The following FAM120B variants were observed in gnomAD, a reference collection of about 807,000 sequenced individuals.
FAM120B encodes the protein constitutive coactivator of peroxisome proliferator-activated receptor gamma.
A neutral mutation model predicts 96.3 loss-of-function variants in FAM120B; 83 were observed. That is an observed-to-expected ratio of 0.86 (90% confidence interval 0.72 to 1.03). The LOEUF (loss-of-function observed/expected upper bound fraction) is 1.03, where lower values mean the gene tolerates loss of function less well. Ranked by LOEUF, FAM120B falls within the 50% of genes least tolerant of loss-of-function variation. The pLI is 0.00. For synonymous variants in FAM120B, 407 were observed against 402.7 expected (o/e 1.01, Z -0.13); for missense variants, 1,027 against 1,121.2 (o/e 0.92, Z 1.20).
intron 6 of FAM120B, among the ~76,000 whole-genome samples, chr6:170,377,376 A>G (rs1413018933): frequency 7.2e-5 from 8 of 111,342 alleles, no homozygotes; most frequent in South Asian, 3.5e-4. Flanking sequence ...GCCTGGGAGA[A>G]CACAGGCTCA....
At position 170,348,293 on chromosome 6, in the gene FAM120B, G is replaced by T. The variant is rs781512945; in HGVS notation, c.2160G>T (p.Leu720Phe). Residue 720 changes from leucine (L) to phenylalanine (F), a missense_variant, in exon 5 of 11, where the codon TTG becomes TTT. By Grantham distance (22) the Leu-to-Phe change is conservative. Coordinates refer to ENST00000476287, the MANE Select transcript of FAM120B (RefSeq NM_032448.3). ...CTGTCGAAAGCCCATTTCAAGCTTT[G>T]TGCTGCCTCTTGATCTACCTCTTTG... ...LQAVESPFQA[L>F]CCLLIYLFVQ... 1.2e-5 allele frequency: 19 copies of T among 1,613,406 alleles called. No individual in the cohort carries two copies. The highest frequency in any genetic ancestry group is 1.5e-5 in the Non-Finnish European group (18 of 1,179,874).
rs561583480 is a variant in FAM120B, at chr6:170,341,514, C to T, written c.2018-6637C>T. Among the ~76,000 whole-genome samples the T allele has an allele frequency of 1.2e-4, 18 of 152,184 alleles. No individual in the cohort carries two copies. The South Asian group carries it at 2.5e-3, about 21-fold the overall frequency. On this transcript the variant is annotated intron_variant, in intron 4 of 10. Transcript: ENST00000476287. ...TTCCAGGGGAGTGACAGTTCTGTCT[C>T]GCAGGGATTCCAGGCACTACTGGGG...
chr6:170,328,542 C>T (rs992956667), intron 3 of FAM120B, among the ~76,000 whole-genome samples: 2 of 152,150 alleles, frequency 1.3e-5, no homozygotes, highest in East Asian at 1.9e-4. Flanking sequence ...CCATGTGTTA[C>T]GTGGCTTTTC....
Position 170,351,546 on chromosome 6 carries a change from G to C in FAM120B, c.2190+3223G>C, listed in dbSNP as rs142314819. ...AAAAAATGTTAAGGGCAGCCAGAGA[G>C]AAAGGCCAGGTCACCTACAAAGGGA... On this transcript the variant is annotated intron_variant, in intron 5 of 10. Coordinates refer to ENST00000476287, the MANE Select transcript of FAM120B (RefSeq NM_032448.3). Among the ~76,000 whole-genome samples the C allele has an allele frequency of 6.3e-3, 966 of 152,280 alleles. 10 individuals are homozygous for C. Among genetic ancestry groups the C allele is most frequent in the African/African-American group, 0.022 (906 of 41,544 alleles).
intron 5 of FAM120B, among the ~76,000 whole-genome samples, chr6:170,354,202 A>G (rs116003690): frequency 0.021 from 3,233 of 152,346 alleles, 105 homozygotes; most frequent in African/African-American, 0.07. Flanking sequence ...TGGTGCTGGG[A>G]TAACTGGCTG....
chr6:170,302,147 A>G (rs1784153752), upstream of FAM120B, among the ~76,000 whole-genome samples: 1 of 152,206 alleles, frequency 6.6e-6, no homozygotes, highest in Non-Finnish European at 1.5e-5. Context: ...ATTGACTCAC[A>G]GTTCAGCATG....
At chr6:170,389,549 A>G (rs772958452) in intron 7 of FAM120B, among the ~76,000 whole-genome samples, 6 of 151,660 alleles carry the variant, frequency 4.0e-5, no homozygotes, top group Non-Finnish European at 8.8e-5. Context: ...ACGCACACAT[A>G]TATGTAATAC....
In FAM120B at chr6:170,363,032, G is replaced by A. The variant is rs569171217; in HGVS notation, c.2283+4714G>A. On this transcript the variant is annotated intron_variant, in intron 6 of 10. Coordinates refer to ENST00000476287, the MANE Select transcript of FAM120B (RefSeq NM_032448.3). The surrounding 1 kb of genome is among the most constrained non-coding windows in gnomAD (Gnocchi z 4.5). Reference sequence around the variant, plus strand: ...TTGCTCTCTTTTTGGAGAAAAAGCCGAGAAATTCCTCTGCCTTTCTTTGCC... The same window carrying A: ...TTGCTCTCTTTTTGGAGAAAAAGCCAAGAAATTCCTCTGCCTTTCTTTGCC... Among the ~76,000 whole-genome samples the A allele has an allele frequency of 4.6e-5, 7 of 152,218 alleles. No homozygotes were observed. In the South Asian group the frequency reaches 8.3e-4, roughly 18 times the overall value.
chr6:170,364,524 A>G (rs1788653841), intron 6 of FAM120B, among the ~76,000 whole-genome samples: 1 of 152,230 alleles, frequency 6.6e-6, no homozygotes, highest in South Asian at 2.1e-4. Flanking sequence ...AACTTCATTA[A>G]ATGGATACCT....
At chr6:170,320,062 T>G (rs751028826) in intron 2 of FAM120B, among the ~76,000 whole-genome samples, 38 of 152,216 alleles carry the variant, frequency 2.5e-4, no homozygotes, top group South Asian at 8.3e-4. Context: ...GACTTATCCT[T>G]GTTTTACAGA....
chr6:170,318,301 A>G lies in FAM120B; in HGVS notation c.911A>G (p.Tyr304Cys), dbSNP rs1785036445. Residue 304 changes from tyrosine (Y) to cysteine (C), a missense_variant, in exon 2 of 11, where the codon TAT (tyrosine) becomes TGT (cysteine). Transcript: ENST00000476287. Reference protein sequence around the residue: ...KALFYKGMASYLLPGQKSPWF... With the variant: ...KALFYKGMASCLLPGQKSPWF... ...CTTTTTTATAAAGGAATGGCATCATATCTTTTACCAGGACAAAAATCTCCA... is the reference window on the plus strand; with the variant it reads ...CTTTTTTATAAAGGAATGGCATCATGTCTTTTACCAGGACAAAAATCTCCA... The G allele has an allele frequency of 6.2e-7, 1 of 1,614,058 alleles. No individual in the cohort carries two copies. Among genetic ancestry groups the G allele is most frequent in the South Asian group, 1.1e-5 (1 of 91,086 alleles).
chr6:170,397,908 G>A (rs1562599976), intron 9 of FAM120B, among the ~76,000 whole-genome samples: 1 of 152,222 alleles, frequency 6.6e-6, no homozygotes, highest in Non-Finnish European at 1.5e-5. Context: ...CAGACTGACT[G>A]GGCAGGGCGT....
chr6:170,306,417 G>C (rs1362230559), upstream of FAM120B: 1 of 152,276 alleles, frequency 6.6e-6, no homozygotes, highest in Non-Finnish European at 1.5e-5. Flanking sequence ...CAGTGCCTCC[G>C]GCAGGACAAA....
In FAM120B at chr6:170,331,209, C is replaced by T. The variant is rs1229881654; in HGVS notation, c.2017+659C>T. The stretch of plus-strand genomic sequence containing the variant: ...GTACAAGTGTCAGGGTAGGGTTCTA[C>T]ACACAAACAGTTAAGGAAGAGGAGG... On this transcript the variant is annotated intron_variant, in intron 4 of 10. Coordinates refer to ENST00000476287, the MANE Select transcript of FAM120B (RefSeq NM_032448.3). 2.0e-5 allele frequency among the ~76,000 whole-genome samples: 3 copies of T among 152,156 alleles called. No individual in the cohort carries two copies. The East Asian group carries it at 5.8e-4, about 29-fold the overall frequency.
chr6:170,397,897 G>A (rs1322148216), intron 9 of FAM120B, among the ~76,000 whole-genome samples: 9 of 152,322 alleles, frequency 5.9e-5, no homozygotes, highest in Non-Finnish European at 5.9e-5. Flanking sequence ...TCTCTTTCGG[G>A]CAGACTGACT....
In FAM120B at chr6:170,313,845, G is replaced by C. The variant is rs187302151; in HGVS notation, c.-21-3525G>C. On this transcript the variant is annotated intron_variant, in intron 1 of 10. Transcript: ENST00000476287. ...TAGATGCTGGGGGTCTGTTAAGGTG[G>C]TTACAGCAGCCAAGTATTGGTTGTC... 8.5e-5 allele frequency among the ~76,000 whole-genome samples: 13 copies of C among 152,316 alleles called. No individual in the cohort carries two copies. In the East Asian group the frequency reaches 2.1e-3, roughly 25 times the overall value.
In FAM120B at chr6:170,318,215, T is replaced by G. The variant is rs777992577; in HGVS notation, c.825T>G (p.Leu275=). 6.2e-7 allele frequency: 1 copy of G among 1,613,866 alleles called. No homozygotes were observed. Among genetic ancestry groups the G allele is most frequent in the East Asian group, 2.2e-5 (1 of 44,892 alleles). Residue 275 remains leucine, a synonymous_variant, in exon 2 of 11, where the codon CTT becomes CTG. Transcript: ENST00000476287. ...TGTCAGACCATATATCGAAAGTTCT[T>G]TACTTGTATCAAGGTGAGAAAAAAT... ...LAVSDHISKV[L]YLYQGEKKLE...
intron 9 of FAM120B, among the ~76,000 whole-genome samples, chr6:170,398,025 G>A (rs942979725): frequency 5.3e-5 from 8 of 152,238 alleles, no homozygotes; most frequent in Non-Finnish European, 1.2e-4. Context: ...TCAGGAAGGT[G>A]GAGAGGGGAT....
At chr6:170,368,440 T>C (rs984708904) in intron 6 of FAM120B, among the ~76,000 whole-genome samples, 7 of 152,196 alleles carry the variant, frequency 4.6e-5, no homozygotes, top group African/African-American at 1.4e-4. Context: ...TATTTTTCTG[T>C]AGGCAGAATC....
Sources: allele counts gnomAD v4.1 joint callset (sites outside exome capture counted in the v4.1 genomes callset), GRCh38; gene constraint gnomAD v4.1.1; non-coding constraint Gnocchi (gnomAD v3.1); transcripts MANE v1.5; gene names NCBI Gene and HGNC (gene_info 2026-07-23, HGNC 2026-07-21).